LSM14B: variants seen among roughly 807,000 people sequenced by gnomAD.
LSM14B encodes protein LSM14 homolog B.
Under a neutral mutation model 42.1 loss-of-function variants are expected in LSM14B, and 8 were observed. The ratio of observed to expected loss-of-function variants is 0.19; its 90% CI spans 0.11 to 0.34. The LOEUF (loss-of-function observed/expected upper bound fraction) is 0.34. Ranked by LOEUF, LSM14B falls within the 10% of genes least tolerant of loss-of-function variation. The probability of loss-of-function intolerance (pLI) is 1.00; values close to 1 mark genes in which losing one functional copy is unlikely to be tolerated. For synonymous variants in LSM14B, 219 were observed against 209.7 expected (o/e 1.04, Z -0.38); for missense variants, 396 against 513.1 (o/e 0.77, Z 2.21).
intron 3 of LSM14B, 71 bp downstream of exon 3, chr20:62,126,510 G>A (rs2056612380): frequency 1.3e-6 from 2 of 1,559,790 alleles, no homozygotes; most frequent in Admixed American, 3.5e-5. Context: ...GATGGAGCCT[G>A]AGGGTGGGGA....
Position 62,134,472 on chromosome 20 carries a change from GACT to G in LSM14B, c.*325_*327del. 2.6e-5 allele frequency: 4 copies of G among 155,380 alleles called. No homozygotes were observed. The highest frequency in any genetic ancestry group is 6.2e-5 in the South Asian group (1 of 16,232). 9.6% of individuals were successfully genotyped at this position (155,380 alleles called of 1,614,324 possible). A position where few individuals can be genotyped will look rare whatever the true frequency, so the allele number is the denominator to read the frequency against. On this transcript the variant is annotated 3_prime_UTR_variant, in exon 9 of 9. Coordinates refer to ENST00000279068, the MANE Select transcript of LSM14B (RefSeq NM_144703.3). ...AGTGAAAGCTGAATCCTTACTTTGT[GACT>G]TTTTTTTTTTTTTTTAATGACAAGC...
intron 3 of LSM14B, among the ~76,000 whole-genome samples, chr20:62,128,237 CCTGTGGGGTTT>C (rs1332913773): frequency 6.6e-6 from 1 of 152,216 alleles, no homozygotes; most frequent in Non-Finnish European, 1.5e-5. Context: ...GGTGGCGGCA[CCTGTGGGGTTT>C]CTAGATCTTT....
Position 62,133,523 on chromosome 20 carries a change from A to C in LSM14B, c.*14+48A>C. The C allele has an allele frequency of 3.2e-6, 5 of 1,574,692 alleles. No individual in the cohort carries two copies. In the South Asian group the frequency reaches 5.7e-5, roughly 18 times the overall value. On this transcript the variant is annotated intron_variant, in intron 8 of 8. Transcript: ENST00000279068. ...CGCTTTGGTGGGAGGGTGTAGGGTC[A>C]GGCACACCTGGAGAGCTTAGGAAGG...
In LSM14B at chr20:62,130,379, T is replaced by G; in HGVS notation, c.673+83T>G. On this transcript the variant is annotated intron_variant, in intron 5 of 8. Coordinates refer to ENST00000279068, the MANE Select transcript of LSM14B (RefSeq NM_144703.3). This position sits in a 1 kb window ranked among gnomAD's most constrained non-coding sequence, Gnocchi z 4.1. ...TTGCCCTCCTGCCTGCTTCTCTGGT[T>G]GACGGTTTCAGGGGTGCTGGTGTGA... is the stretch of plus-strand genomic sequence containing the variant. The G allele has an allele frequency of 6.5e-7, 1 of 1,538,294 alleles. No homozygotes were observed. The highest frequency in any genetic ancestry group is 1.4e-5 in the African/African-American group (1 of 73,038).
Position 62,134,491 on chromosome 20 carries a change from A to C in LSM14B, c.*343A>C. On this transcript the variant is annotated 3_prime_UTR_variant, in exon 9 of 9. Transcript: ENST00000279068. ...CTTTGTGACTTTTTTTTTTTTTTTTAATGACAAGCTTTGACTTTTAAAAGT... is the reference window on the plus strand; with the variant it reads ...CTTTGTGACTTTTTTTTTTTTTTTTCATGACAAGCTTTGACTTTTAAAAGT... 3.3e-6 allele frequency: 1 copy of C among 306,610 alleles called. No individual in the cohort carries two copies. Among genetic ancestry groups the C allele is most frequent in the Non-Finnish European group, 6.3e-6 (1 of 159,108 alleles). The allele number at this position is 306,610 out of a possible 1,614,324, so 19.0% of individuals were successfully genotyped here. A position where few individuals can be genotyped will look rare whatever the true frequency, so the allele number is the denominator to read the frequency against.
At chr20:62,128,789 C>T (rs2056679133) in intron 3 of LSM14B, 1 of 453,622 alleles carries the variant, frequency 2.2e-6, no homozygotes, top group Non-Finnish European at 3.8e-6. Flanking sequence ...TTGAGAGCTT[C>T]TCTTGATCTG....
chr20:62,122,776 C>G lies in LSM14B; in HGVS notation c.110C>G (p.Thr37Ser). The change falls in exon 1 of 9, where the codon ACC becomes AGC. Residue 37 changes from threonine to serine, a missense_variant. Coordinates refer to ENST00000279068, the MANE Select transcript of LSM14B (RefSeq NM_144703.3). The surrounding 1 kb of genome is among the most constrained non-coding windows in gnomAD (Gnocchi z 4.6). ...ILYTIDTDNS[T>S]VALAKVRSFG... ...TACACCATCGACACCGACAACTCCA[C>G]CGTGGCGCTCGCCAAAGGTAGCGGC... 6.6e-7 allele frequency: 1 copy of G among 1,506,474 alleles called. No individual in the cohort carries two copies. The highest frequency in any genetic ancestry group is 1.2e-5 in the South Asian group (1 of 83,108). The allele number at this position is 1,506,474 out of a possible 1,614,324, so 93.3% of individuals were successfully genotyped here.
chr20:62,122,867 C>T lies in LSM14B; in HGVS notation c.127+74C>T, dbSNP rs922412571. The T allele has an allele frequency of 1.6e-6, 2 of 1,230,532 alleles. No homozygotes were observed. The highest frequency in any genetic ancestry group is 3.2e-5 in the African/African-American group (2 of 61,718). The allele number at this position is 1,230,532 out of a possible 1,614,324, so 76.2% of individuals were successfully genotyped here. ...CCCCGGCCTGCGGTGCCCTCCCCGC[C>T]CCGGGGCGCCCCGGAGCCTGGCGCC... On this transcript the variant is annotated intron_variant, in intron 1 of 8. Coordinates refer to ENST00000279068, the MANE Select transcript of LSM14B (RefSeq NM_144703.3). This position sits in a 1 kb window ranked among gnomAD's most constrained non-coding sequence, Gnocchi z 4.6.
chr20:62,130,700 CATT>C lies in LSM14B; in HGVS notation c.835+12_835+14del. ...GAAACTGAATTTTAAAGGTTTGGCTCATTATATGAAAATTATTCTCTGCACAGG... is the reference window on the plus strand; with the variant it reads ...GAAACTGAATTTTAAAGGTTTGGCTCATATGAAAATTATTCTCTGCACAGG... On this transcript the variant is annotated intron_variant, in intron 6 of 8. Transcript: ENST00000279068. The surrounding 1 kb of genome is among the most constrained non-coding windows in gnomAD (Gnocchi z 4.1). The C allele has an allele frequency of 6.2e-7, 1 of 1,612,148 alleles. No homozygotes were observed. Among genetic ancestry groups the C allele is most frequent in the Non-Finnish European group, 8.5e-7 (1 of 1,179,516 alleles).
intron 2 of LSM14B, 139 bp from the exon 3 acceptor site, chr20:62,126,165 C>G: frequency 1.1e-5 from 14 of 1,296,564 alleles, no homozygotes; most frequent in Non-Finnish European, 1.5e-5. Flanking sequence ...GAAACTTGCA[C>G]CCCAAGGGCT....
intron 1 of LSM14B, among the ~76,000 whole-genome samples, chr20:62,124,095 G>A (rs2056509098): frequency 6.6e-6 from 1 of 152,222 alleles, no homozygotes; most frequent in Non-Finnish European, 1.5e-5. Flanking sequence ...GGGGTCAGAG[G>A]TCCATAATCC....
intron 6 of LSM14B, 104 bp from the exon 7 acceptor site, chr20:62,131,247 ATGTCT>A (rs2056757458): frequency 8.1e-7 from 1 of 1,238,770 alleles, no homozygotes; most frequent in South Asian, 1.5e-5. Context: ...GGCATAGTTG[ATGTCT>A]TAGCTTGAGG....
chr20:62,124,067 C>T (rs2056508061), intron 1 of LSM14B, among the ~76,000 whole-genome samples: 1 of 152,196 alleles, frequency 6.6e-6, no homozygotes, highest in Non-Finnish European at 1.5e-5. Context: ...GACTCAATTC[C>T]TTATAGATGC....
rs778287310 is a variant in LSM14B, at chr20:62,124,587, CAAT to C, written c.128-27_128-25del. 16 of 1,607,128 alleles carry C rather than the reference CAAT, an allele frequency of 1.0e-5. No individual in the cohort carries two copies. The Admixed American group carries it at 2.7e-4, about 27-fold the overall frequency. ...GGTTGATTGAACTGGCTGAGGACAA[CAAT>C]AACGCTTCTCTTTCTCCACTCATAA... On this transcript the variant is annotated intron_variant, in intron 1 of 8. Coordinates refer to ENST00000279068, the MANE Select transcript of LSM14B (RefSeq NM_144703.3).
At chr20:62,132,917 G>T (rs1204705337) in intron 7 of LSM14B, among the ~76,000 whole-genome samples, 1 of 152,132 alleles carries the variant, frequency 6.6e-6, no homozygotes, top group Non-Finnish European at 1.5e-5. Context: ...CCTCCTCCTT[G>T]TCTAGGAGGG....
At position 62,130,398 on chromosome 20, in the gene LSM14B, G is replaced by A; in HGVS notation, c.673+102G>A. On this transcript the variant is annotated intron_variant, in intron 5 of 8. Transcript: ENST00000279068. The surrounding 1 kb of genome is among the most constrained non-coding windows in gnomAD (Gnocchi z 4.1). ...TCTGGTTGACGGTTTCAGGGGTGCT[G>A]GTGTGAAGTCGCTGCTTGTGTGCTC... is the stretch of plus-strand genomic sequence containing the variant. 6.6e-7 allele frequency: 1 copy of A among 1,525,076 alleles called. No individual in the cohort carries two copies. The highest frequency in any genetic ancestry group is 8.9e-7 in the Non-Finnish European group (1 of 1,122,484). 94.5% of individuals were successfully genotyped at this position (1,525,076 alleles called of 1,614,324 possible).
In LSM14B at chr20:62,126,345, C is replaced by T. The variant is rs200839436; in HGVS notation, c.333C>T (p.His111=). Residue 111 remains histidine (H), a synonymous_variant, in exon 3 of 9, where the codon CAC becomes CAT. Coordinates refer to ENST00000279068, the MANE Select transcript of LSM14B (RefSeq NM_144703.3). ...CCTCCGCCTCGCCCTTCCAGCCGCA[C>T]GTGCCTTACAGCCCTTTCCGAGGGA... The part of the protein sequence containing the change: ...GSASASPFQP[H]VPYSPFRGMA... 4.1e-5 allele frequency: 66 copies of T among 1,613,738 alleles called. No individual in the cohort carries two copies. The highest frequency in any genetic ancestry group is 1.7e-4 in the Middle Eastern group (1 of 5,834).
chr20:62,124,908 G>A (rs2056542318), intron 2 of LSM14B, 128 bp downstream of exon 2: 4 of 1,005,018 alleles, frequency 4.0e-6, no homozygotes, highest in African/African-American at 3.3e-5. Flanking sequence ...TTGAGGCAGC[G>A]TCTCGCTGTG....
intron 2 of LSM14B, among the ~76,000 whole-genome samples, chr20:62,125,293 T>A (rs2056559007): frequency 6.6e-6 from 1 of 152,196 alleles, no homozygotes; most frequent in South Asian, 2.1e-4. Context: ...CTGTGTCACG[T>A]GGCTCTTAAG....
Sources: allele counts gnomAD v4.1 joint callset (sites outside exome capture counted in the v4.1 genomes callset), GRCh38; gene constraint gnomAD v4.1.1; non-coding constraint Gnocchi (gnomAD v3.1); transcripts MANE v1.5; gene names NCBI Gene and HGNC (gene_info 2026-07-23, HGNC 2026-07-21).